DPP6: variants seen among roughly 807,000 people sequenced by gnomAD.
DPP6 encodes dipeptidyl peptidase like 6.
DPP6 carries 69 observed loss-of-function variants against 122.6 expected under a neutral mutation model. The observed-to-expected ratio is 0.56, with a 90% CI of 0.46 to 0.69. The LOEUF (loss-of-function observed/expected upper bound fraction) is 0.69. Among genes scored for constraint, DPP6 ranks in the 30% least tolerant of loss-of-function variants. DPP6 has a pLI of 0.00. For synonymous variants in DPP6, 418 were observed against 433.1 expected (o/e 0.97, Z 0.43); for missense variants, 928 against 1,116.9 (o/e 0.83, Z 2.41).
At chr7:154,248,289 G>C (rs1214407873) in intron 1 of DPP6, among the ~76,000 whole-genome samples, 2 of 152,152 alleles carry the variant, frequency 1.3e-5, no homozygotes, top group African/African-American at 2.4e-5. Context: ...AAGAAAGAAG[G>C]CTGCGCTTCT....
At chr7:154,867,919 T>G (rs1303133514) in intron 17 of DPP6, 76 bp from the exon 18 acceptor site, 28 of 1,472,214 alleles carry the variant, frequency 1.9e-5, no homozygotes, top group Non-Finnish European at 2.4e-5. Flanking sequence ...GTTACGCACA[T>G]GAAAAGCCAT....
chr7:153,748,232 G>A, the DPP6 span, among the ~76,000 whole-genome samples: 70 of 152,002 alleles, frequency 4.6e-4, no homozygotes, highest in Non-Finnish European at 7.4e-4. Context: ...TCTCTCTTTC[G>A]CCTGTGCAGT....
chr7:154,351,094 C>T (rs970610142), intron 1 of DPP6, among the ~76,000 whole-genome samples: 2 of 152,098 alleles, frequency 1.3e-5, no homozygotes, highest in African/African-American at 4.8e-5. Context: ...GACGGGGGCA[C>T]GTGACTTCTA....
rs1563922092 is a variant in DPP6, at chr7:154,608,319, T to TTATATATATATATA, written c.628-29502_628-29501insTATATATATATATA. On this transcript the variant is annotated intron_variant, in intron 5 of 25. Transcript: ENST00000377770. ...CCATGCTTGCATTTTTTAGGAGTGA[T>TTATATATATATATA]CATATATATATATATATATATATTT... Among the ~76,000 whole-genome samples, 3 of 81,378 alleles carry TTATATATATATATA rather than the reference T, an allele frequency of 3.7e-5. No homozygotes were observed. In the Admixed American group the frequency reaches 4.4e-4, roughly 12 times the overall value. The allele number at this position is 81,378 out of a possible 152,430, so 53.4% of individuals were successfully genotyped here.
At chr7:154,438,007 G>C (rs1422296750) in intron 1 of DPP6, among the ~76,000 whole-genome samples, 1 of 152,090 alleles carries the variant, frequency 6.6e-6, no homozygotes, top group African/African-American at 2.4e-5. Flanking sequence ...TTTCCACCTA[G>C]TCTTCGAGTG....
chr7:154,600,195 T>G (rs539450725), intron 5 of DPP6, among the ~76,000 whole-genome samples: 32 of 150,766 alleles, frequency 2.1e-4, no homozygotes, highest in African/African-American at 7.3e-4. Flanking sequence ...TGGCACAATC[T>G]CAGCTCACTG....
intron 1 of DPP6, among the ~76,000 whole-genome samples, chr7:154,311,512 G>A (rs889701635): frequency 1.3e-5 from 2 of 148,454 alleles, no homozygotes; most frequent in African/African-American, 2.5e-5. Context: ...AAAAAAAAAA[G>A]AAAAAGAAAA....
the DPP6 span, among the ~76,000 whole-genome samples, chr7:153,791,402 GCCTT>G: frequency 8.0e-5 from 10 of 124,378 alleles, no homozygotes; most frequent in East Asian, 1.4e-3. Flanking sequence ...TTCCCTTCCT[GCCTT>G]CCTTCCTTCC....
At chr7:154,644,842 G>A (rs918127318) in intron 6 of DPP6, among the ~76,000 whole-genome samples, 1 of 151,542 alleles carries the variant, frequency 6.6e-6, no homozygotes, top group Non-Finnish European at 1.5e-5. Context: ...CTGAGTAGGT[G>A]TGACTGCAGG....
intron 1 of DPP6, among the ~76,000 whole-genome samples, chr7:154,444,874 T>C (rs889581322): frequency 6.6e-6 from 1 of 152,238 alleles, no homozygotes; most frequent in Non-Finnish European, 1.5e-5. Flanking sequence ...GTTTTGTTGC[T>C]CACGGATAGT....
At chr7:154,777,146 G>T (rs921357011) in intron 10 of DPP6, among the ~76,000 whole-genome samples, 4 of 152,198 alleles carry the variant, frequency 2.6e-5, no homozygotes. Context: ...GCTGTGTGAG[G>T]CCCTTGGGTG....
At chr7:154,062,665 G>A (rs564806835) in intron 1 of DPP6, among the ~76,000 whole-genome samples, 15 of 57,512 alleles carry the variant, frequency 2.6e-4, no homozygotes, top group East Asian at 6.1e-4. Flanking sequence ...GGCACCCCCC[G>A]CGAGGGTGGG....
intron 5 of DPP6, among the ~76,000 whole-genome samples, chr7:154,634,575 G>C (rs949397086): frequency 2.0e-5 from 3 of 151,956 alleles, no homozygotes; most frequent in Non-Finnish European, 2.9e-5. Context: ...GTTTGGTTTG[G>C]GGGTTTCTTG....
intron 18 of DPP6, among the ~76,000 whole-genome samples, chr7:154,870,650 CA>C (rs1804304839): frequency 6.6e-6 from 1 of 151,812 alleles, no homozygotes. Context: ...GAGGCTGTGA[CA>C]AGCTGCTTTG....
At chr7:154,300,347 T>C (rs1805825170) in intron 1 of DPP6, among the ~76,000 whole-genome samples, 1 of 152,138 alleles carries the variant, frequency 6.6e-6, no homozygotes, top group African/African-American at 2.4e-5. Context: ...GTGCTTTCAC[T>C]CACAGACACC....
intron 1 of DPP6, among the ~76,000 whole-genome samples, chr7:154,374,541 T>G (rs2151127856): frequency 6.6e-6 from 1 of 152,246 alleles, no homozygotes; most frequent in African/African-American, 2.4e-5. Flanking sequence ...CTCCACACTT[T>G]GAGAGAATGG....
intron 6 of DPP6, among the ~76,000 whole-genome samples, chr7:154,654,352 G>A (rs577520408): frequency 2.1e-5 from 3 of 141,562 alleles, no homozygotes; most frequent in Non-Finnish European, 4.7e-5. Context: ...AGGCCACCCC[G>A]ATCCATCTTT....
At chr7:153,839,742 C>T in the DPP6 span, among the ~76,000 whole-genome samples, 1 of 152,192 alleles carries the variant, frequency 6.6e-6, no homozygotes, top group African/African-American at 2.4e-5. Flanking sequence ...TCAACCTGTC[C>T]TTTGCATCAC....
At chr7:153,782,622 T>C in the DPP6 span, among the ~76,000 whole-genome samples, 1 of 152,170 alleles carries the variant, frequency 6.6e-6, no homozygotes, top group Non-Finnish European at 1.5e-5. Context: ...GTGCTGGCTT[T>C]TCAAGTACAG....
Sources: gnomAD v4.1 joint callset for allele counts (sites outside exome capture counted in the v4.1 genomes callset) on GRCh38, gnomAD v4.1.1 for gene constraint, MANE v1.5 for transcripts, NCBI Gene and HGNC (gene_info 2026-07-23, HGNC 2026-07-21) for gene names.